RCBTB1: variants seen among roughly 807,000 people sequenced by gnomAD.
RCBTB1 encodes RCC1 and BTB domain-containing protein 1.
RCBTB1 carries 46 observed loss-of-function variants against 62.4 expected under a neutral mutation model. That is an observed-to-expected ratio of 0.74 (90% confidence interval 0.58 to 0.94). RCBTB1 has a LOEUF of 0.94. Among genes scored for constraint, RCBTB1 ranks in the 40% least tolerant of loss-of-function variants. The pLI, the probability that RCBTB1 is intolerant of heterozygous loss-of-function variation, is 0.00. For missense variants in RCBTB1, 565 were observed against 654.9 expected (o/e 0.86, Z 1.50); for synonymous variants, 222 against 245.8 (o/e 0.90, Z 0.91).
rs115928576 is a variant in RCBTB1 at position 49,534,013 on chromosome 13, C to T, written c.*109G>A. On this transcript the variant is annotated 3_prime_UTR_variant, in exon 13 of 13. Transcript: ENST00000378302. ...ACTGTGTCCCAGATGTGGAAAAAAACAACCTGATGGTCTTTTACCTGCAGA... is the reference window on the plus strand; with the variant it reads ...ACTGTGTCCCAGATGTGGAAAAAAATAACCTGATGGTCTTTTACCTGCAGA... The T allele has an allele frequency of 1.3e-3, 1,579 of 1,226,752 alleles. 12 individuals carry two copies. In the African/African-American group the frequency reaches 0.021, roughly 16 times the overall value. 76.0% of individuals were successfully genotyped at this position (1,226,752 alleles called of 1,614,324 possible). A position where few individuals can be genotyped will look rare whatever the true frequency, so the allele number is the denominator to read the frequency against.
intron 4 of RCBTB1, among the ~76,000 whole-genome samples, chr13:49,565,201 G>A (rs1183236916): frequency 2.0e-5 from 3 of 152,178 alleles, no homozygotes. Context: ...TTTTTTGGTG[G>A]AGACGGGGTT....
intron 10 of RCBTB1, among the ~76,000 whole-genome samples, chr13:49,542,367 A>G (rs1291241775): frequency 6.6e-6 from 1 of 152,182 alleles, no homozygotes; most frequent in African/African-American, 2.4e-5. Context: ...TGTAACTCCT[A>G]TTAAATACTA....
intron 12 of RCBTB1, among the ~76,000 whole-genome samples, chr13:49,540,224 T>C (rs935439053): frequency 2.0e-5 from 3 of 152,204 alleles, no homozygotes; most frequent in African/African-American, 7.2e-5. Context: ...CTATAGGGTA[T>C]ACAGACGAAT....
rs1961350189 is a variant in RCBTB1 at position 49,551,604 on chromosome 13, A to G, written c.712-136T>C. 16 of 1,047,716 alleles carry G rather than the reference A, an allele frequency of 1.5e-5. No homozygotes were observed. In the South Asian group the frequency reaches 2.7e-4, roughly 17 times the overall value. The allele number at this position is 1,047,716 out of a possible 1,614,324, so 64.9% of individuals were successfully genotyped here. ...GTGGACTGACATTTGCTGGAACATTAAAAAAGCATTAGAAGGCCGGGCGTG... is the reference window on the plus strand; with the variant it reads ...GTGGACTGACATTTGCTGGAACATTGAAAAAGCATTAGAAGGCCGGGCGTG... On this transcript the variant is annotated intron_variant, in intron 7 of 12. Coordinates refer to ENST00000378302, the MANE Select transcript of RCBTB1 (RefSeq NM_018191.4).
At chr13:49,552,883 A>G (rs538812924) in intron 6 of RCBTB1, among the ~76,000 whole-genome samples, 1 of 152,202 alleles carries the variant, frequency 6.6e-6, no homozygotes, top group South Asian at 2.1e-4. Context: ...CGGTAGTGGT[A>G]GTAGAAAGAC....
intron 6 of RCBTB1, 93 bp from the exon 7 acceptor site, chr13:49,552,378 C>T (rs1454988800): frequency 1.0e-5 from 7 of 684,866 alleles, no homozygotes; most frequent in Admixed American, 5.2e-5. Context: ...AAATCAGATA[C>T]TTCCAACACC....
Position 49,567,162 on chromosome 13 carries a change from T to C in RCBTB1, c.118A>G (p.Asn40Asp), listed in dbSNP as rs530548584. Residue 40 changes from asparagine to aspartate, a missense_variant, in exon 3 of 13, where the codon AAT becomes GAT. Transcript: ENST00000378302. ...SASEALYVTD[N>D]DEVFVFGLNY... ...TTTCAAGAGACTCTTACCTCATCAT[T>C]GTCAGTAACGTACAGTGCTTCACTG... The C allele has an allele frequency of 3.7e-6, 6 of 1,614,058 alleles. No individual in the cohort carries two copies. Among genetic ancestry groups the C allele is most frequent in the South Asian group, 3.3e-5 (3 of 91,072 alleles).
chr13:49,584,342 A>C (rs556585666), intron 1 of RCBTB1, among the ~76,000 whole-genome samples: 1 of 152,348 alleles, frequency 6.6e-6, no homozygotes, highest in South Asian at 2.1e-4. Context: ...ACCCGTCTAG[A>C]GTATTAATAA....
intron 5 of RCBTB1, among the ~76,000 whole-genome samples, chr13:49,558,143 G>C (rs1249115165): frequency 6.6e-6 from 1 of 152,180 alleles, no homozygotes; most frequent in Non-Finnish European, 1.5e-5. Context: ...GTTTTCTCTG[G>C]GTACTCTGAT....
chr13:49,536,305 C>T (rs114006752), intron 12 of RCBTB1, among the ~76,000 whole-genome samples: 3 of 152,250 alleles, frequency 2.0e-5, no homozygotes, highest in African/African-American at 4.8e-5. Flanking sequence ...AAGCCCTGAA[C>T]GCATGTGGTG....
chr13:49,584,694 C>G (rs1280702772), intron 1 of RCBTB1, among the ~76,000 whole-genome samples: 1 of 152,280 alleles, frequency 6.6e-6, no homozygotes, highest in South Asian at 2.1e-4. Context: ...CAAGGAAGAT[C>G]ATGAATCTGG....
At chr13:49,536,435 T>C (rs1423518219) in intron 12 of RCBTB1, among the ~76,000 whole-genome samples, 1 of 152,244 alleles carries the variant, frequency 6.6e-6, no homozygotes, top group African/African-American at 2.4e-5. Flanking sequence ...CCCTTCCGAC[T>C]TGACCTCTCT....
At chr13:49,568,610 T>C (rs1206387021) in intron 2 of RCBTB1, among the ~76,000 whole-genome samples, 1 of 148,334 alleles carries the variant, frequency 6.7e-6, no homozygotes, top group Non-Finnish European at 1.5e-5. Flanking sequence ...TTCCCTGTGA[T>C]GAGTGGAGTT....
chr13:49,543,418 C>T (rs1286450851), intron 10 of RCBTB1, among the ~76,000 whole-genome samples: 1 of 152,176 alleles, frequency 6.6e-6, no homozygotes, highest in African/African-American at 2.4e-5. Context: ...GACTGGTTGA[C>T]CACAGGTGCA....
intron 4 of RCBTB1, among the ~76,000 whole-genome samples, chr13:49,561,358 G>C (rs1594308792): frequency 1.3e-5 from 2 of 152,164 alleles, no homozygotes; most frequent in East Asian, 3.9e-4. Context: ...GGTGACATGT[G>C]GCTCACAAGA....
intron 12 of RCBTB1, among the ~76,000 whole-genome samples, chr13:49,534,771 C>T (rs962675751): frequency 4.6e-5 from 7 of 152,192 alleles, no homozygotes; most frequent in South Asian, 2.1e-4. Context: ...CGGTGGCTCA[C>T]GCCTGTAATC....
intron 2 of RCBTB1, among the ~76,000 whole-genome samples, chr13:49,570,930 C>A (rs1963355361): frequency 6.6e-6 from 1 of 152,178 alleles, no homozygotes; most frequent in African/African-American, 2.4e-5. Context: ...GAATATCAGT[C>A]CTGGCCCTTG....
At chr13:49,540,461 G>C (rs559434375) in intron 12 of RCBTB1, among the ~76,000 whole-genome samples, 1 of 152,308 alleles carries the variant, frequency 6.6e-6, no homozygotes, top group East Asian at 1.9e-4. Context: ...ATTGCAGAGC[G>C]TACACAGATA....
Position 49,552,275 on chromosome 13 carries a change from C to A in RCBTB1, c.614G>T (p.Trp205Leu). Reference sequence around the variant, plus strand: ...CAGCTGACCGTTGCCATTGTAACCCCAGCCATATACCTTAGAGAGGACAGA... The same window carrying A: ...CAGCTGACCGTTGCCATTGTAACCCAAGCCATATACCTTAGAGAGGACAGA... ...AVLDNGEVYGWGYNGNGQLGL... is the reference protein window; with the variant it reads ...AVLDNGEVYGLGYNGNGQLGL... Residue 205 changes from tryptophan (W) to leucine (L), a missense_variant, in exon 7 of 13, where the codon TGG (tryptophan) becomes TTG (leucine). Coordinates refer to ENST00000378302, the MANE Select transcript of RCBTB1 (RefSeq NM_018191.4). The A allele has an allele frequency of 6.3e-7, 1 of 1,597,190 alleles. No homozygotes were observed. Among genetic ancestry groups the A allele is most frequent in the East Asian group, 2.2e-5 (1 of 44,706 alleles).
Sources: gnomAD v4.1 joint callset for allele counts (sites outside exome capture counted in the v4.1 genomes callset) on GRCh38, gnomAD v4.1.1 for gene constraint, MANE v1.5 for transcripts, NCBI Gene and HGNC (gene_info 2026-07-23, HGNC 2026-07-21) for gene names.